Variants in MUC4 observed in about 807,000 individuals in gnomAD.
The protein encoded by MUC4 is mucin 4, cell surface associated.
MUC4 carries 202 observed loss-of-function variants against 257.9 expected under a neutral mutation model. The observed-to-expected ratio is 0.78, with a 90% CI of 0.70 to 0.88. The LOEUF is 0.88. Ranked by LOEUF, MUC4 falls within the 40% of genes least tolerant of loss-of-function variation. MUC4 has a pLI of 0.00. For synonymous variants in MUC4, 2,351 were observed against 2,757.1 expected (o/e 0.85, Z 4.62); for missense variants, 5,976 against 6,513.7 (o/e 0.92, Z 2.84).
Position 195,747,215 on chromosome 3 carries a change from C to A in MUC4, c.16200G>T (p.Arg5400Ser), listed in dbSNP as rs368764355. 5.6e-6 allele frequency: 9 copies of A among 1,614,172 alleles called. No homozygotes were observed. In the African/African-American group the frequency reaches 9.3e-5, roughly 17 times the overall value. Residue 5400 changes from arginine to serine, a missense_variant, in exon 25 of 25, where the codon AGG becomes AGT. Arg to Ser is a moderately radical substitution (Grantham distance 110). Transcript: ENST00000463781. ...CAGCTGAGTTCAGGAAATAGGAGAA[C>A]CTGGCCCCGGAGCAACCCCAGAAGC... ...VLRFWGCSGARFSYFLNSAEA... is the reference protein window; with the variant it reads ...VLRFWGCSGASFSYFLNSAEA...
chr3:195,773,131 C>T (rs1156543680), intron 4 of MUC4, among the ~76,000 whole-genome samples: 389 of 95,512 alleles, frequency 4.1e-3, no homozygotes, highest in African/African-American at 8.4e-3. Flanking sequence ...GTAGACACCC[C>T]CTCTCCATCG....
rs962062458 is a variant in MUC4 at position 195,755,479 on chromosome 3, A to G, written c.15169-1107T>C. On this transcript the variant is annotated intron_variant, in intron 18 of 24. Transcript: ENST00000463781. The surrounding 1 kb of genome is among the most constrained non-coding windows in gnomAD (Gnocchi z 5.0). ...CTATGTGGCCTGCAAACTGGATTTC[A>G]TATAAGCTGAAATTGACCTCCCTTG... 9.9e-5 allele frequency among the ~76,000 whole-genome samples: 15 copies of G among 152,142 alleles called. No individual in the cohort carries two copies. Among genetic ancestry groups the G allele is most frequent in the African/African-American group, 3.6e-4 (15 of 41,420 alleles).
Position 195,778,933 on chromosome 3 carries a change from G to A in MUC4, c.12647C>T (p.Ser4216Leu). The A allele has an allele frequency of 6.6e-7, 1 of 1,514,994 alleles. No homozygotes were observed. Among genetic ancestry groups the A allele is most frequent in the Non-Finnish European group, 8.9e-7 (1 of 1,127,696 alleles). 93.8% of individuals were successfully genotyped at this position (1,514,994 alleles called of 1,614,324 possible). A position where few individuals can be genotyped will look rare whatever the true frequency, so the allele number is the denominator to read the frequency against. ...AGGGGTGGCGTGACCTGTGGATGCTGAGGAAGTGTCGGTGACAGGAAGAGG... is the reference window on the plus strand; with the variant it reads ...AGGGGTGGCGTGACCTGTGGATGCTAAGGAAGTGTCGGTGACAGGAAGAGG... ...ATPLPVTDTS[S>L]ASTGHATPLP... is the part of the protein sequence containing the mutation. The change falls in exon 2 of 25, where the codon TCA becomes TTA. Residue 4216 changes from serine to leucine, a missense_variant. Physicochemically the swap from Ser to Leu is moderately radical, Grantham distance 145. Coordinates refer to ENST00000463781, the MANE Select transcript of MUC4 (RefSeq NM_018406.7).
intron 3 of MUC4, among the ~76,000 whole-genome samples, chr3:195,774,670 G>A (rs1456616571): frequency 1.3e-5 from 2 of 152,152 alleles, no homozygotes; most frequent in East Asian, 1.9e-4. Context: ...GGGAGGCTGA[G>A]GCGGGAGGAT....
intron 7 of MUC4, among the ~76,000 whole-genome samples, chr3:195,767,610 T>TCACC (rs1560262492): frequency 6.1e-4 from 6 of 9,894 alleles, no homozygotes; most frequent in African/African-American, 1.8e-3. Flanking sequence ...TCATCACCAT[T>TCACC]GCCACCACCA....
In MUC4 at chr3:195,748,958, C is replaced by T. The variant is rs746155839; in HGVS notation, c.15978G>A (p.Arg5326=). ...SGFTCVSPCS[R]GYCDHGGQCQ... is the part of the protein sequence containing the mutation. ...ACTGGCCTCCATGGTCACAGTAGCC[C>T]CTACTGCACGGGGACACGCAGGTGA... Residue 5326 remains arginine, a synonymous_variant, in exon 24 of 25, where the codon AGG becomes AGA. Transcript: ENST00000463781. The T allele has an allele frequency of 1.2e-5, 19 of 1,607,034 alleles. No individual in the cohort carries two copies. The highest frequency in any genetic ancestry group is 1.6e-5 in the Non-Finnish European group (19 of 1,176,856).
intron 4 of MUC4, 66 bp downstream of exon 4, chr3:195,774,106 T>C: frequency 6.7e-7 from 1 of 1,498,356 alleles, no homozygotes; most frequent in Admixed American, 2.4e-5. Flanking sequence ...CTGGGTTCCG[T>C]CTCGAAGCAG....
At chr3:195,794,656 C>A (rs1200366027) in intron 1 of MUC4, among the ~76,000 whole-genome samples, 1 of 152,096 alleles carries the variant, frequency 6.6e-6, no homozygotes, top group African/African-American at 2.4e-5. Flanking sequence ...GCCACCGCTC[C>A]CACCCTTTTT....
chr3:195,748,577 T>C (rs1330932294), intron 24 of MUC4, among the ~76,000 whole-genome samples: 2 of 152,266 alleles, frequency 1.3e-5, no homozygotes, highest in African/African-American at 4.8e-5. Context: ...CATAAAAATA[T>C]AAAAAATGTT....
intron 1 of MUC4, among the ~76,000 whole-genome samples, chr3:195,797,074 C>T (rs1457727698): frequency 1.3e-5 from 2 of 152,086 alleles, no homozygotes; most frequent in African/African-American, 4.8e-5. Context: ...GAAACCCCGT[C>T]TCTGGTAAAA....
intron 15 of MUC4, 82 bp downstream of exon 15, chr3:195,761,402 T>G (rs1193496300): frequency 8.1e-7 from 1 of 1,231,276 alleles, no homozygotes; most frequent in Non-Finnish European, 1.2e-6. Context: ...GAGGTCTGCT[T>G]CCTACAGGGC....
intron 18 of MUC4, 67 bp from the exon 19 acceptor site, chr3:195,754,439 G>C: frequency 6.5e-7 from 1 of 1,537,482 alleles, no homozygotes; most frequent in Non-Finnish European, 8.8e-7. Context: ...GGGTGTTTCT[G>C]ACTGACCCCT....
At chr3:195,793,195 T>TA (rs1425765959) in intron 1 of MUC4, among the ~76,000 whole-genome samples, 4 of 151,246 alleles carry the variant, frequency 2.6e-5, no homozygotes, top group Non-Finnish European at 5.9e-5. Context: ...ATTTGGGGGA[T>TA]AAAAAAATAA....
chr3:195,760,701 G>A (rs1211245781), intron 16 of MUC4, among the ~76,000 whole-genome samples, 183 bp downstream of exon 16: 2 of 152,128 alleles, frequency 1.3e-5, no homozygotes, highest in Non-Finnish European at 1.5e-5. Context: ...GAACTGGGCC[G>A]AAGGCCACTG....
At chr3:195,794,810 A>G (rs1222592072) in intron 1 of MUC4, among the ~76,000 whole-genome samples, 2 of 152,252 alleles carry the variant, frequency 1.3e-5, no homozygotes, top group East Asian at 3.8e-4. Flanking sequence ...TAGACTCTCA[A>G]GTGAGTGATA....
chr3:195,767,832 T>TCACCACCATCATCACCAC (rs1553861179), intron 7 of MUC4, among the ~76,000 whole-genome samples: 1 of 49,258 alleles, frequency 2.0e-5, no homozygotes. Context: ...ACCACCACCA[T>TCACCACCATCATCACCAC]CACCACCACC....
Position 195,778,390 on chromosome 3 carries a change from T to A in MUC4, c.12856A>T (p.Thr4286Ser), listed in dbSNP as rs1578180394. The A allele has an allele frequency of 6.2e-7, 1 of 1,612,226 alleles. No individual in the cohort carries two copies. The highest frequency in any genetic ancestry group is 1.1e-5 in the South Asian group (1 of 90,980). Residue 4286 changes from threonine (T) to serine (S), a missense_variant, in exon 3 of 25, where the codon ACC (threonine) becomes TCC (serine). By Grantham distance (58) the Thr-to-Ser change is moderately conservative. Around this residue, in one of 44 missense-constraint regions of MUC4, gnomAD observed 233 missense variants for 171.2 expected, o/e 1.36. Transcript: ENST00000463781. ...ATGGTGGAAATGATGGTCTGGGAGG[T>A]TGTGGGGGGTGGTGATGTGGCTGTG... ...RRTATSPPPT[T>S]SQTIISTIPS... is the part of the protein sequence containing the mutation.
At chr3:195,776,835 T>C (rs371814794) in intron 3 of MUC4, among the ~76,000 whole-genome samples, 2,276 of 6,172 alleles carry the variant, frequency 0.37, 81 homozygotes, top group Middle Eastern at 0.5. Context: ...CCTTCCACAG[T>C]CATACCTTCC....
rs1720564089 is a variant in MUC4, at chr3:195,766,650, G to A, written c.13618+13C>T. The A allele has an allele frequency of 3.1e-6, 5 of 1,612,994 alleles. No homozygotes were observed. The highest frequency in any genetic ancestry group is 4.2e-6 in the Non-Finnish European group (5 of 1,178,944). ...TTGAGACCAGCTCAGGTGTGATAAG[G>A]TGGCACTTTTACCTGAGTTGGAATT... On this transcript the variant is annotated intron_variant, in intron 8 of 24. Coordinates refer to ENST00000463781, the MANE Select transcript of MUC4 (RefSeq NM_018406.7).
Sources: gnomAD v4.1 joint callset for allele counts (sites outside exome capture counted in the v4.1 genomes callset) on GRCh38, gnomAD v4.1.1 for gene constraint, gnomAD v4.1.1 regional missense constraint, Gnocchi (gnomAD v3.1) non-coding constraint, MANE v1.5 for transcripts, NCBI Gene and HGNC (gene_info 2026-07-23, HGNC 2026-07-21) for gene names.